Variants in SLC35D4 observed in about 807,000 individuals in gnomAD.
SLC35D4 encodes the protein UDP-N-acetylglucosamine transporter SLC35D4.
the SLC35D4 span, among the ~76,000 whole-genome samples, chr18:23,265,556 CAA>C: frequency 1.6e-4 from 16 of 98,292 alleles, no homozygotes; most frequent in Admixed American, 5.5e-4. Context: ...ACATGGCTCT[CAA>C]AAAAAAAAAA....
At chr18:23,417,456 G>A in the SLC35D4 span, among the ~76,000 whole-genome samples, 1 of 152,112 alleles carries the variant, frequency 6.6e-6, no homozygotes, top group Admixed American at 6.6e-5. Context: ...TTTATACAAG[G>A]TACCCAGAAT....
At chr18:23,377,423 C>T in the SLC35D4 span, among the ~76,000 whole-genome samples, 5 of 152,082 alleles carry the variant, frequency 3.3e-5, no homozygotes, top group Admixed American at 2.0e-4. Flanking sequence ...TGAAATCTAG[C>T]ACAGGTTGGT....
At chr18:23,253,670 C>T in the SLC35D4 span, 2 of 1,409,320 alleles carry the variant, frequency 1.4e-6, no homozygotes, top group Non-Finnish European at 2.0e-6. Flanking sequence ...GGGAGTTTTT[C>T]TGTCCACTGA....
the SLC35D4 span, among the ~76,000 whole-genome samples, chr18:23,312,971 C>CA: frequency 2.0e-5 from 3 of 151,450 alleles, no homozygotes; most frequent in African/African-American, 7.3e-5. Context: ...ACTAAAAATA[C>CA]AAAAAATTAG....
At chr18:23,238,765 T>C in the SLC35D4 span, among the ~76,000 whole-genome samples, 1 of 152,222 alleles carries the variant, frequency 6.6e-6, no homozygotes. Context: ...AGTGAGGCTT[T>C]CCTAGTTGAT....
the SLC35D4 span, chr18:23,385,153 G>C: frequency 6.6e-6 from 9 of 1,357,756 alleles, no homozygotes; most frequent in African/African-American, 1.2e-4. Flanking sequence ...TAAAAATAAA[G>C]AGCTGTGGAA....
chr18:23,257,160 G>A, the SLC35D4 span: 2 of 1,561,378 alleles, frequency 1.3e-6, no homozygotes, highest in Non-Finnish European at 1.7e-6. Context: ...TAGAGAAGCT[G>A]CAATTGCAGA....
the SLC35D4 span, among the ~76,000 whole-genome samples, chr18:23,290,630 C>T: frequency 1.4e-5 from 2 of 137,970 alleles, no homozygotes; most frequent in African/African-American, 5.4e-5. Flanking sequence ...CTCTGAAATT[C>T]TTTTTTTTTT....
chr18:23,275,905 C>T, the SLC35D4 span, among the ~76,000 whole-genome samples: 46 of 152,264 alleles, frequency 3.0e-4, no homozygotes, highest in African/African-American at 1.1e-3. Context: ...AATTCATACA[C>T]ACAGGTGGTA....
the SLC35D4 span, chr18:23,377,067 T>C: frequency 2.3e-6 from 1 of 434,262 alleles, no homozygotes; most frequent in Non-Finnish European, 4.6e-6. Flanking sequence ...CTGAGCTGCT[T>C]GGCCTGCAGA....
the SLC35D4 span, among the ~76,000 whole-genome samples, chr18:23,250,189 G>A: frequency 6.6e-6 from 1 of 152,236 alleles, no homozygotes; most frequent in Non-Finnish European, 1.5e-5. Flanking sequence ...TTAAGCAGCA[G>A]GATATCCTTG....
chr18:23,308,874 C>G, the SLC35D4 span, among the ~76,000 whole-genome samples: 530 of 144,250 alleles, frequency 3.7e-3, 5 homozygotes, highest in African/African-American at 0.012. Flanking sequence ...CTCTCTCTCT[C>G]TCTGTGTGTG....
the SLC35D4 span, among the ~76,000 whole-genome samples, chr18:23,307,744 C>CCCA: frequency 3.9e-5 from 6 of 152,326 alleles, no homozygotes; most frequent in East Asian, 1.2e-3. Flanking sequence ...GCTCTGAGGG[C>CCCA]TATGGGGCAG....
At chr18:23,413,903 C>T in the SLC35D4 span, among the ~76,000 whole-genome samples, 51 of 150,292 alleles carry the variant, frequency 3.4e-4, no homozygotes, top group Middle Eastern at 3.2e-3. Context: ...AAGACCATCC[C>T]ACTGCACTTC....
the SLC35D4 span, among the ~76,000 whole-genome samples, chr18:23,278,625 G>A: frequency 3.9e-5 from 6 of 152,100 alleles, no homozygotes; most frequent in Non-Finnish European, 7.4e-5. Context: ...TTTCCGACAG[G>A]TGCTGAGGCT....
the SLC35D4 span, among the ~76,000 whole-genome samples, chr18:23,345,481 CAAAAAAAAAAAA>C: frequency 7.0e-5 from 4 of 57,272 alleles, no homozygotes; most frequent in Admixed American, 2.5e-4. Flanking sequence ...GACTCCATCT[CAAAAAAAAAAAA>C]AAAAAAAAAA....
At chr18:23,406,531 A>C in the SLC35D4 span, among the ~76,000 whole-genome samples, 1 of 152,218 alleles carries the variant, frequency 6.6e-6, no homozygotes, top group African/African-American at 2.4e-5. Context: ...AGAAAAACCA[A>C]AACTGAGCAT....
the SLC35D4 span, among the ~76,000 whole-genome samples, chr18:23,368,248 G>T: frequency 6.6e-6 from 1 of 152,138 alleles, no homozygotes; most frequent in South Asian, 2.1e-4. Context: ...CAGCCCAAGG[G>T]CCTCACACAT....
At chr18:23,414,672 C>CAA in the SLC35D4 span, among the ~76,000 whole-genome samples, 1 of 135,636 alleles carries the variant, frequency 7.4e-6, no homozygotes, top group African/African-American at 2.7e-5. Context: ...AACTCCATCT[C>CAA]AAAAAAAAAA....
Sources: gnomAD v4.1 joint callset for allele counts (sites outside exome capture counted in the v4.1 genomes callset) on GRCh38, gnomAD v4.1.1 for gene constraint, MANE v1.5 for transcripts, NCBI Gene and HGNC (gene_info 2026-07-23, HGNC 2026-07-21) for gene names.